Variants in NLRP12 observed in about 807,000 individuals in gnomAD.
The protein encoded by NLRP12 is NACHT, LRR and PYD domains-containing protein 12.
In NLRP12, 108 loss-of-function variants were observed where a neutral mutation model predicts 91.2. The ratio of observed to expected loss-of-function variants is 1.18; its 90% CI spans 1.01 to 1.39. The LOEUF is 1.39. NLRP12 is among the 40% of genes most tolerant of loss of function. The pLI is 0.00. For missense variants in NLRP12, 1,530 were observed against 1,352.7 expected (o/e 1.13, Z -2.06); for synonymous variants, 613 against 566.7 (o/e 1.08, Z -1.16).
intron 7 of NLRP12, among the ~76,000 whole-genome samples, 187 bp from the exon 8 acceptor site, chr19:53,798,600 A>C (rs2091813283): frequency 6.6e-6 from 1 of 152,148 alleles, no homozygotes; most frequent in Non-Finnish European, 1.5e-5. Flanking sequence ...AAGAGAACAG[A>C]AGGAAGCAAC....
chr19:53,809,517 CAAAAAAAAAAA>C (rs3973672), intron 3 of NLRP12, 59 bp downstream of exon 3: 37 of 695,244 alleles, frequency 5.3e-5, no homozygotes, highest in East Asian at 3.3e-4. Flanking sequence ...GGCAACAGAG[CAAAAAAAAAAA>C]AAAAAAAAAA....
intron 7 of NLRP12, among the ~76,000 whole-genome samples, chr19:53,798,807 T>C (rs1012303099): frequency 2.6e-5 from 4 of 152,088 alleles, no homozygotes; most frequent in Non-Finnish European, 5.9e-5. Context: ...AATGGTGCAA[T>C]CTCGGCTCAC....
At chr19:53,812,881 C>CT (rs35896834) in intron 2 of NLRP12, among the ~76,000 whole-genome samples, 70,964 of 125,424 alleles carry the variant, frequency 0.57, 21,299 homozygotes, top group Non-Finnish European at 0.69. Context: ...ATCAATATCT[C>CT]TTTTTTTTTT....
Position 53,793,779 on chromosome 19 carries a change from G to T in NLRP12, c.*270C>A. ...TTTTTTTATTTTTAGTAGAGACAGGGTTTCACCATCTTGGCCAGGCTAATC... is the reference window on the plus strand; with the variant it reads ...TTTTTTTATTTTTAGTAGAGACAGGTTTTCACCATCTTGGCCAGGCTAATC... On this transcript the variant is annotated 3_prime_UTR_variant, in exon 10 of 10. Transcript: ENST00000324134. The T allele has an allele frequency of 1.8e-6, 1 of 541,046 alleles. No homozygotes were observed. The highest frequency in any genetic ancestry group is 3.3e-6 in the Non-Finnish European group (1 of 299,902). 33.5% of individuals were successfully genotyped at this position (541,046 alleles called of 1,614,324 possible). A position where few individuals can be genotyped will look rare whatever the true frequency, so the allele number is the denominator to read the frequency against.
intron 6 of NLRP12, 34 bp downstream of exon 6, chr19:53,803,918 C>A: frequency 1.2e-6 from 2 of 1,602,542 alleles, no homozygotes; most frequent in South Asian, 1.1e-5. Flanking sequence ...AGAGATTTGC[C>A]ATTTTATTAT....
intron 2 of NLRP12, among the ~76,000 whole-genome samples, chr19:53,813,950 C>T (rs893652433): frequency 2.6e-5 from 4 of 152,008 alleles, no homozygotes; most frequent in African/African-American, 4.8e-5. Context: ...GGATTACAGG[C>T]GTGAGCCACC....
At chr19:53,805,512 T>A in intron 4 of NLRP12, 62 bp from the exon 5 acceptor site, 1 of 1,525,910 alleles carries the variant, frequency 6.6e-7, no homozygotes. Context: ...TGTGGATTAT[T>A]TTCTTTTGCT....
At chr19:53,801,448 CTTTTTTT>C (rs11417138) in intron 6 of NLRP12, 51 bp from the exon 7 acceptor site, 62 of 1,277,526 alleles carry the variant, frequency 4.9e-5, no homozygotes, top group Middle Eastern at 3.0e-4. Flanking sequence ...CTTTCTTTTT[CTTTTTTT>C]TTTTTTTTTT....
Position 53,810,222 on chromosome 19 carries a change from C to T in NLRP12, c.1437G>A (p.Gln479=), listed in dbSNP as rs77667763. The change falls in exon 3 of 10, where the codon CAG becomes CAA. Residue 479 remains glutamine (Q), a synonymous_variant. Transcript: ENST00000324134. Reference sequence around the variant, plus strand: ...CGTCTAGGCCGTGCTTCCGGAGGTCCTGCTCCTCAAATAGGATTTTCTGAT... The same window carrying T: ...CGTCTAGGCCGTGCTTCCGGAGGTCTTGCTCCTCAAATAGGATTTTCTGAT... ...LWNQKILFEE[Q]DLRKHGLDGE... The T allele has an allele frequency of 5.8e-4, 938 of 1,614,164 alleles. 3 individuals carry two copies. The African/African-American group carries it at 0.01, about 18-fold the overall frequency.
At chr19:53,797,509 C>G (rs912750563) in intron 8 of NLRP12, among the ~76,000 whole-genome samples, 7 of 151,704 alleles carry the variant, frequency 4.6e-5, no homozygotes, top group African/African-American at 1.5e-4. Flanking sequence ...AATCTCGCCT[C>G]CCAGGTTCAA....
At position 53,810,445 on chromosome 19, in the gene NLRP12, A is replaced by T; in HGVS notation, c.1214T>A (p.Leu405Gln). The T allele has an allele frequency of 1.9e-6, 3 of 1,614,046 alleles. No homozygotes were observed. Among genetic ancestry groups the T allele is most frequent in the Non-Finnish European group, 2.5e-6 (3 of 1,180,018 alleles). ...GCAGGTACACACCACCCAGCACACCAGGGGGACGAAGCACATGGTGAAGAG... is the reference window on the plus strand; with the variant it reads ...GCAGGTACACACCACCCAGCACACCTGGGGGACGAAGCACATGGTGAAGAG... ...EPLFTMCFVP[L>Q]VCWVVCTCLQ... Residue 405 changes from leucine (L) to glutamine (Q), a missense_variant, in exon 3 of 10, where the codon CTG (leucine) becomes CAG (glutamine). Transcript: ENST00000324134.
chr19:53,816,173 T>C (rs999911934), intron 1 of NLRP12, among the ~76,000 whole-genome samples: 1 of 151,922 alleles, frequency 6.6e-6, no homozygotes, highest in Non-Finnish European at 1.5e-5. Flanking sequence ...TAAGTGTGAG[T>C]TCCTTTGCTC....
Position 53,819,519 on chromosome 19 carries a change from GTA to G in NLRP12, c.289+4365_289+4366del, listed in dbSNP as rs556145827. ...TGTGTATATATATGTATACATATGT[GTA>G]TATATGTGTGTATGTATACGTATAT... On this transcript the variant is annotated intron_variant, in intron 1 of 9. Transcript: ENST00000324134. 8.2e-4 allele frequency among the ~76,000 whole-genome samples: 68 copies of G among 82,660 alleles called. 16 individuals are homozygous for G. Among genetic ancestry groups the G allele is most frequent in the African/African-American group, 3.0e-3 (59 of 19,900 alleles). 54.2% of individuals were successfully genotyped at this position (82,660 alleles called of 152,430 possible).
At position 53,811,163 on chromosome 19, in the gene NLRP12, G is replaced by T. The variant is rs761463256; in HGVS notation, c.496C>A (p.His166Asn). 5.0e-6 allele frequency: 8 copies of T among 1,614,100 alleles called. No homozygotes were observed. The highest frequency in any genetic ancestry group is 6.8e-6 in the Non-Finnish European group (8 of 1,180,028). The change falls in exon 3 of 10, where the codon CAC becomes AAC. Residue 166 changes from histidine (H) to asparagine (N), a missense_variant. By Grantham distance (68) the His-to-Asn change is moderately conservative. Coordinates refer to ENST00000324134, the MANE Select transcript of NLRP12 (RefSeq NM_144687.4). ...RYTRLLLVKEHSNPMQVQQQL... is the reference protein window; with the variant it reads ...RYTRLLLVKENSNPMQVQQQL... ...TGCTGGACCTGCATGGGGTTTGAGTGCTCCTTCACCAGCAGGAGCCGGGTG... is the reference window on the plus strand; with the variant it reads ...TGCTGGACCTGCATGGGGTTTGAGTTCTCCTTCACCAGCAGGAGCCGGGTG...
chr19:53,809,388 G>A (rs1379204504), intron 3 of NLRP12, among the ~76,000 whole-genome samples, 199 bp downstream of exon 3: 2 of 149,290 alleles, frequency 1.3e-5, no homozygotes, highest in East Asian at 4.0e-4. Context: ...AAAATTAGGT[G>A]GGCGTGGTGG....
intron 5 of NLRP12, among the ~76,000 whole-genome samples, 177 bp from the exon 6 acceptor site, chr19:53,804,299 C>T (rs1165658165): frequency 1.3e-5 from 2 of 152,102 alleles, no homozygotes; most frequent in African/African-American, 2.4e-5. Context: ...TCCCGTGATC[C>T]TCCTGCCTCA....
chr19:53,806,898 T>A (rs1188329387), intron 4 of NLRP12, among the ~76,000 whole-genome samples: 1 of 149,914 alleles, frequency 6.7e-6, no homozygotes, highest in African/African-American at 2.5e-5. Flanking sequence ...AGAAAAAAAT[T>A]TGGAGACCCA....
intron 7 of NLRP12, among the ~76,000 whole-genome samples, chr19:53,799,010 ATTT>A (rs34728764): frequency 1.7e-5 from 2 of 119,600 alleles, no homozygotes. Flanking sequence ...CTATCTACAA[ATTT>A]TTTTTTTTTT....
intron 9 of NLRP12, among the ~76,000 whole-genome samples, chr19:53,794,414 G>A (rs6509818): frequency 0.34 from 50,240 of 148,740 alleles, 8,750 homozygotes; most frequent in African/African-American, 0.43. Flanking sequence ...CCACCTCCCA[G>A]GTTCAAGCGA....
Sources: allele counts gnomAD v4.1 joint callset (sites outside exome capture counted in the v4.1 genomes callset), GRCh38; gene constraint gnomAD v4.1.1; transcripts MANE v1.5; gene names NCBI Gene and HGNC (gene_info 2026-07-23, HGNC 2026-07-21).